SKAP2: variants seen among roughly 807,000 people sequenced by gnomAD.
SKAP2 encodes src kinase associated phosphoprotein 2, also known as src kinase-associated phosphoprotein 2.
In SKAP2, 28 loss-of-function variants were observed where a neutral mutation model predicts 54.9. The ratio of observed to expected loss-of-function variants is 0.51; its 90% CI spans 0.38 to 0.70. SKAP2 has a LOEUF of 0.70. Among genes scored for constraint, SKAP2 ranks in the 30% least tolerant of loss-of-function variants. The pLI is 0.00. For synonymous variants in SKAP2, 137 were observed against 134.3 expected, an observed-to-expected ratio of 1.02 and a Z score of -0.14; for missense variants, 356 against 424.1, an observed-to-expected ratio of 0.84 and a Z score of 1.41.
At chr7:26,735,136 A>C (rs1040431905) in intron 6 of SKAP2, among the ~76,000 whole-genome samples, 2 of 152,134 alleles carry the variant, frequency 1.3e-5, no homozygotes, top group African/African-American at 4.8e-5. Context: ...TGATATCCAC[A>C]AAACCCAAAC....
intron 9 of SKAP2, among the ~76,000 whole-genome samples, chr7:26,722,478 G>A (rs1584351971): frequency 7.4e-6 from 1 of 135,316 alleles, no homozygotes; most frequent in Admixed American, 8.6e-5. Flanking sequence ...TGCAGCCTCC[G>A]CCTCCCGGAT....
intron 4 of SKAP2, among the ~76,000 whole-genome samples, chr7:26,761,674 G>A (rs534209441): frequency 3.3e-5 from 5 of 152,202 alleles, no homozygotes; most frequent in South Asian, 2.1e-4. Context: ...CGAGGTGGTC[G>A]GACTGCCTGA....
intron 9 of SKAP2, among the ~76,000 whole-genome samples, chr7:26,717,282 G>C (rs1487449234): frequency 6.6e-6 from 1 of 151,990 alleles, no homozygotes; most frequent in Non-Finnish European, 1.5e-5. Context: ...AGGCTGAAGT[G>C]GGCAGATCGC....
At chr7:26,765,343 T>C (rs1783028578) in intron 4 of SKAP2, among the ~76,000 whole-genome samples, 1 of 152,188 alleles carries the variant, frequency 6.6e-6, no homozygotes, top group Non-Finnish European at 1.5e-5. Context: ...TGTAAATTTG[T>C]TTAAGTTCCT....
At chr7:26,766,446 A>G (rs1022444224) in intron 4 of SKAP2, among the ~76,000 whole-genome samples, 2 of 152,170 alleles carry the variant, frequency 1.3e-5, no homozygotes, top group African/African-American at 4.8e-5. Context: ...CTCTCTTCCT[A>G]TTTGAATACC....
chr7:26,859,516 T>A (rs952168957), intron 1 of SKAP2, among the ~76,000 whole-genome samples: 1 of 152,216 alleles, frequency 6.6e-6, no homozygotes, highest in African/African-American at 2.4e-5. Flanking sequence ...AAAGGTGACA[T>A]GAACTGGCAC....
intron 9 of SKAP2, among the ~76,000 whole-genome samples, chr7:26,694,835 TATTTA>T (rs1356069532): frequency 1.3e-5 from 2 of 152,156 alleles, no homozygotes; most frequent in Non-Finnish European, 2.9e-5. Flanking sequence ...CTTTTTAATC[TATTTA>T]ATTTACAAAA....
intron 4 of SKAP2, among the ~76,000 whole-genome samples, chr7:26,764,992 C>A (rs1020477076): frequency 2.0e-5 from 3 of 152,188 alleles, no homozygotes; most frequent in African/African-American, 7.2e-5. Context: ...TGAGTATACA[C>A]CCAGTAATGG....
At chr7:26,661,269 T>C in the SKAP2 span, among the ~76,000 whole-genome samples, 4 of 152,062 alleles carry the variant, frequency 2.6e-5, no homozygotes, top group African/African-American at 9.7e-5. Flanking sequence ...CAAACCAAGA[T>C]TAGTGCTATA....
Position 26,670,154 on chromosome 7 carries a change from C to T in SKAP2, c.1026G>A (p.Lys342=). The T allele has an allele frequency of 6.3e-7, 1 of 1,583,642 alleles. No individual in the cohort carries two copies. Among genetic ancestry groups the T allele is most frequent in the Non-Finnish European group, 8.7e-7 (1 of 1,152,682 alleles). Reference sequence around the variant, plus strand: ...CTTTAGGCACCAAGCCAATGGCTCCCTTCATTTCTCCTACCCACCAGCCAT... The same window carrying T: ...CTTTAGGCACCAAGCCAATGGCTCCTTTCATTTCTCCTACCCACCAGCCAT... The part of the protein sequence containing the change: ...NRYGWWVGEM[K]GAIGLVPKAY... Residue 342 remains lysine, a synonymous_variant, in exon 12 of 13, where the codon AAG becomes AAA. Transcript: ENST00000345317.
At chr7:26,858,487 G>A (rs78214447) in intron 1 of SKAP2, among the ~76,000 whole-genome samples, 4,337 of 152,236 alleles carry the variant, frequency 0.028, 205 homozygotes, top group African/African-American at 0.099. Context: ...AAAATTAAAA[G>A]TTGACGTATA....
intron 4 of SKAP2, among the ~76,000 whole-genome samples, chr7:26,782,994 T>C (rs890059658): frequency 7.9e-5 from 12 of 152,166 alleles, no homozygotes; most frequent in African/African-American, 2.9e-4. Flanking sequence ...AACACCAGAA[T>C]GTACCAGATT....
chr7:26,716,572 TAA>T (rs1419890017), intron 9 of SKAP2, among the ~76,000 whole-genome samples: 10 of 152,258 alleles, frequency 6.6e-5, no homozygotes, highest in Non-Finnish European at 1.2e-4. Flanking sequence ...TTTAATAGAC[TAA>T]GTTATATTTA....
At chr7:26,681,177 C>T (rs1786484641) in intron 11 of SKAP2, among the ~76,000 whole-genome samples, 1 of 152,216 alleles carries the variant, frequency 6.6e-6, no homozygotes, top group Non-Finnish European at 1.5e-5. Context: ...TTGCCGGGTG[C>T]AGTGGCTCAT....
intron 4 of SKAP2, among the ~76,000 whole-genome samples, chr7:26,792,634 A>T (rs925729167): frequency 6.6e-6 from 1 of 152,202 alleles, no homozygotes; most frequent in African/African-American, 2.4e-5. Flanking sequence ...ATATTTTATC[A>T]TTTATAGAGC....
chr7:26,684,311 A>T (rs1225622458), intron 11 of SKAP2, among the ~76,000 whole-genome samples: 2 of 152,218 alleles, frequency 1.3e-5, no homozygotes, highest in Non-Finnish European at 2.9e-5. Context: ...ACATATTTAC[A>T]TAAAGATGAA....
chr7:26,748,460 C>T (rs974359442), intron 4 of SKAP2, among the ~76,000 whole-genome samples: 3 of 152,000 alleles, frequency 2.0e-5, no homozygotes, highest in African/African-American at 4.8e-5. Context: ...TAATATAGGG[C>T]ACCCTCTGTG....
chr7:26,856,559 G>A (rs1785168144), intron 1 of SKAP2, among the ~76,000 whole-genome samples: 1 of 152,174 alleles, frequency 6.6e-6, no homozygotes, highest in South Asian at 2.1e-4. Context: ...GAAGAAGCAT[G>A]TTGCTCTAAA....
intron 4 of SKAP2, among the ~76,000 whole-genome samples, chr7:26,788,797 T>C (rs904342838): frequency 2.6e-5 from 4 of 151,930 alleles, no homozygotes; most frequent in Admixed American, 1.3e-4. Context: ...TAATACCATA[T>C]ACATGTATAC....
Sources: allele counts gnomAD v4.1 joint callset (sites outside exome capture counted in the v4.1 genomes callset), GRCh38; gene constraint gnomAD v4.1.1; transcripts MANE v1.5; gene names NCBI Gene and HGNC (gene_info 2026-07-23, HGNC 2026-07-21).